Variants in TLCD5 observed in about 807,000 individuals in gnomAD.
The protein encoded by TLCD5 is TLC domain containing 5.
In TLCD5, 15 loss-of-function variants were observed where a neutral mutation model predicts 20.5. The ratio of observed to expected loss-of-function variants is 0.73; its 90% CI spans 0.49 to 1.13. The LOEUF is 1.13. TLCD5 is among the 50% of genes most tolerant of loss of function. TLCD5 has a pLI of 0.00. For synonymous variants in TLCD5, 107 were observed against 114.7 expected (o/e 0.93, Z 0.43); for missense variants, 289 against 305.6 (o/e 0.95, Z 0.41).
rs1377764605 is a variant in TLCD5, at chr11:120,330,558, G to A, written c.*43G>A. Reference sequence around the variant, plus strand: ...TTATGGATTGGGTTAAGTCAGCCATGGGAACCAGGTTGGAAATATGACTGT... The same window carrying A: ...TTATGGATTGGGTTAAGTCAGCCATAGGAACCAGGTTGGAAATATGACTGT... On this transcript the variant is annotated 3_prime_UTR_variant, in exon 3 of 3. Coordinates refer to ENST00000375095, the MANE Select transcript of TLCD5 (RefSeq NM_001198671.2). 2 of 1,560,800 alleles carry A rather than the reference G, an allele frequency of 1.3e-6. No individual in the cohort carries two copies. The highest frequency in any genetic ancestry group is 1.7e-6 in the Non-Finnish European group (2 of 1,153,544).
chr11:120,328,678 A>ATT (rs1942059262), intron 2 of TLCD5, among the ~76,000 whole-genome samples: 1 of 24,156 alleles, frequency 4.1e-5, no homozygotes. Flanking sequence ...TAACAGTCAT[A>ATT]GTGTGTGTGT....
At chr11:120,328,342 A>G (rs1182683636) in intron 2 of TLCD5, among the ~76,000 whole-genome samples, 1 of 152,022 alleles carries the variant, frequency 6.6e-6, no homozygotes, top group Non-Finnish European at 1.5e-5. Context: ...TGGCCTCCCA[A>G]AGTGCTGGGA....
chr11:120,330,949 CATTT>C lies in TLCD5; in HGVS notation c.*436_*439del, dbSNP rs1265198049. ...TATAGCAATTTATCTAAGTTTACCC[CATTT>C]ACTATAAAGTGAGGGGCTTACAGGA... On this transcript the variant is annotated 3_prime_UTR_variant, in exon 3 of 3. Coordinates refer to ENST00000375095, the MANE Select transcript of TLCD5 (RefSeq NM_001198671.2). 1 of 154,916 alleles carries C rather than the reference CATTT, an allele frequency of 6.5e-6. No homozygotes were observed. Among genetic ancestry groups the C allele is most frequent in the African/African-American group, 2.4e-5 (1 of 41,488 alleles). The allele number at this position is 154,916 out of a possible 1,614,324, so 9.6% of individuals were successfully genotyped here.
intron 1 of TLCD5, among the ~76,000 whole-genome samples, chr11:120,326,831 A>T (rs1263209236): frequency 6.6e-6 from 1 of 152,236 alleles, no homozygotes; most frequent in Non-Finnish European, 1.5e-5. Flanking sequence ...GAACTGAATA[A>T]AGCCAGGATT....
intron 2 of TLCD5, among the ~76,000 whole-genome samples, chr11:120,329,692 C>T (rs367757180): frequency 1.4e-4 from 21 of 152,154 alleles, no homozygotes; most frequent in Non-Finnish European, 2.4e-4. Context: ...TGCTGTTCCG[C>T]GGAGAGGATA....
At chr11:120,329,749 T>C (rs1942106319) in intron 2 of TLCD5, among the ~76,000 whole-genome samples, 1 of 152,232 alleles carries the variant, frequency 6.6e-6, no homozygotes, top group Admixed American at 6.5e-5. Context: ...CTCATTGAAG[T>C]CTGATTCATC....
chr11:120,327,268 A>T, intron 1 of TLCD5, 173 bp from the exon 2 acceptor site: 4 of 1,169,570 alleles, frequency 3.4e-6, no homozygotes, highest in Non-Finnish European at 3.6e-6. Flanking sequence ...TGGAATGATA[A>T]ATACAGCCAT....
At chr11:120,329,534 T>C (rs1342015461) in intron 2 of TLCD5, among the ~76,000 whole-genome samples, 1 of 151,874 alleles carries the variant, frequency 6.6e-6, no homozygotes, top group Non-Finnish European at 1.5e-5. Context: ...GACCACTGAG[T>C]GTTCAATAAC....
intron 1 of TLCD5, 145 bp from the exon 2 acceptor site, chr11:120,327,296 T>C: frequency 7.3e-7 from 1 of 1,377,554 alleles, no homozygotes; most frequent in Non-Finnish European, 1.0e-6. Flanking sequence ...TAGAAGATTC[T>C]TGGCCGTGTA....
At position 120,329,923 on chromosome 11, in the gene TLCD5, C is replaced by G. The variant is rs138011890; in HGVS notation, c.200-54C>G. 1.7e-3 allele frequency: 2,614 copies of G among 1,549,624 alleles called. 10 individuals are homozygous for G. The highest frequency in any genetic ancestry group is 0.013 in the Middle Eastern group (74 of 5,774). ...AAGACAACAACATAGGATCCCTGTG[C>G]AAGGTAACACAATTCCCAGTCACTC... On this transcript the variant is annotated intron_variant, in intron 2 of 2. Transcript: ENST00000375095.
rs563103213 is a variant in TLCD5, at chr11:120,330,107, C to G, written c.330C>G (p.Ile110Met). Residue 110 changes from isoleucine (I) to methionine (M), a missense_variant, in exon 3 of 3, where the codon ATC (isoleucine) becomes ATG (methionine). Physicochemically the swap from Ile to Met is conservative, Grantham distance 10 (BLOSUM62 1). Coordinates refer to ENST00000375095, the MANE Select transcript of TLCD5 (RefSeq NM_001198671.2). ...ALMLAHHTLS[I>M]LGIIMALVLG... is the part of the protein sequence containing the mutation. The stretch of plus-strand genomic sequence containing the variant: ...TGCTGGCTCATCACACATTGAGTAT[C>G]TTGGGCATTATCATGGCCCTTGTGC... 1 of 1,614,122 alleles carries G rather than the reference C, an allele frequency of 6.2e-7. No individual in the cohort carries two copies. Among genetic ancestry groups the G allele is most frequent in the African/African-American group, 1.3e-5 (1 of 75,054 alleles).
At position 120,330,735 on chromosome 11, in the gene TLCD5, T is replaced by C; in HGVS notation, c.*220T>C. On this transcript the variant is annotated 3_prime_UTR_variant, in exon 3 of 3. Coordinates refer to ENST00000375095, the MANE Select transcript of TLCD5 (RefSeq NM_001198671.2). ...AGAAAGTGAGAATACTCCATGGTAG[T>C]TGGGAATAAGTGAGAACTGTGAAGT... is the stretch of plus-strand genomic sequence containing the variant. 2.0e-6 allele frequency: 1 copy of C among 511,300 alleles called. No homozygotes were observed. Among genetic ancestry groups the C allele is most frequent in the Non-Finnish European group, 3.4e-6 (1 of 294,686 alleles). 31.7% of individuals were successfully genotyped at this position (511,300 alleles called of 1,614,324 possible).
In TLCD5 at chr11:120,327,755, T is replaced by C. The variant is rs77266606; in HGVS notation, c.199+115T>C. On this transcript the variant is annotated intron_variant, in intron 2 of 2. Coordinates refer to ENST00000375095, the MANE Select transcript of TLCD5 (RefSeq NM_001198671.2). ...GACTAATTCCCATTATAATTTTGTA[T>C]TGGAATCCTTATTCTTCTTCATTGT... 0.013 allele frequency: 13,416 copies of C among 1,070,710 alleles called. 818 individuals carry two copies. The South Asian group carries it at 0.15, about 12-fold the overall frequency. 66.3% of individuals were successfully genotyped at this position (1,070,710 alleles called of 1,614,324 possible). A position where few individuals can be genotyped will look rare whatever the true frequency, so the allele number is the denominator to read the frequency against.
At position 120,332,088 on chromosome 11, in the gene TLCD5, C is replaced by T. The variant is rs1187211150; in HGVS notation, c.*1573C>T. 1.3e-5 allele frequency: 2 copies of T among 152,104 alleles called. No individual in the cohort carries two copies. The highest frequency in any genetic ancestry group is 4.8e-5 in the African/African-American group (2 of 41,420). The allele number at this position is 152,104 out of a possible 1,614,324, so 9.4% of individuals were successfully genotyped here. A position where few individuals can be genotyped will look rare whatever the true frequency, so the allele number is the denominator to read the frequency against. ...AAAAAAATAATAATTCTTAGTGTGA[C>T]AGTCTCCAAGAGAAGCAAGAATATA... On this transcript the variant is annotated 3_prime_UTR_variant, in exon 3 of 3. Coordinates refer to ENST00000375095, the MANE Select transcript of TLCD5 (RefSeq NM_001198671.2). This position sits in a 1 kb window ranked among gnomAD's most constrained non-coding sequence, Gnocchi z 4.2.
chr11:120,330,173 A>G lies in TLCD5; in HGVS notation c.396A>G (p.Gly132=), dbSNP rs781285337. 9 of 1,592,350 alleles carry G rather than the reference A, an allele frequency of 5.7e-6. No individual in the cohort carries two copies. The highest frequency in any genetic ancestry group is 7.7e-6 in the Non-Finnish European group (9 of 1,168,188). The change falls in exon 3 of 3, where the codon GGA becomes GGG. Residue 132 remains glycine, a synonymous_variant. Transcript: ENST00000375095. ...CAGAGGTCAATGCAGTCCTCTTTGG[A>G]AGTGAGCTTACCAACCCCTTGCTAC... ...SGTEVNAVLF[G]SELTNPLLQM...
Position 120,330,047 on chromosome 11 carries a change from C to T in TLCD5, c.270C>T (p.Gly90=). 1 of 1,614,188 alleles carries T rather than the reference C, an allele frequency of 6.2e-7. No homozygotes were observed. Among genetic ancestry groups the T allele is most frequent in the Non-Finnish European group, 8.5e-7 (1 of 1,180,038 alleles). The change falls in exon 3 of 3, where the codon GGC becomes GGT. Residue 90 remains glycine, a synonymous_variant. Transcript: ENST00000375095. Reference sequence around the variant, plus strand: ...TGGGCTACTTCATCTTCGACTTGGGCTGGTGCGTCTACTTTCAGTCTGAGG... The same window carrying T: ...TGGGCTACTTCATCTTCGACTTGGGTTGGTGCGTCTACTTTCAGTCTGAGG... ...LTLGYFIFDL[G]WCVYFQSEGA... is the part of the protein sequence containing the mutation.
intron 2 of TLCD5, 79 bp downstream of exon 2, chr11:120,327,719 A>G: frequency 7.2e-7 from 1 of 1,386,818 alleles, no homozygotes; most frequent in Non-Finnish European, 9.7e-7. Context: ...CAGAATTTGT[A>G]CAATACTGAA....
rs2135174026 is a variant in TLCD5 at position 120,331,920 on chromosome 11, G to T, written c.*1405G>T. The T allele has an allele frequency of 6.6e-6, 1 of 152,174 alleles. No individual in the cohort carries two copies. The highest frequency in any genetic ancestry group is 2.1e-4 in the South Asian group (1 of 4,818). The allele number at this position is 152,174 out of a possible 1,614,324, so 9.4% of individuals were successfully genotyped here. ...ACTAGAGCCAAAGACTTTAAAGTGT[G>T]TACTGGCCTCAGGGGGATGAGGTTA... is the stretch of plus-strand genomic sequence containing the variant. On this transcript the variant is annotated 3_prime_UTR_variant, in exon 3 of 3. Transcript: ENST00000375095. The surrounding 1 kb of genome is among the most constrained non-coding windows in gnomAD (Gnocchi z 4.5).
chr11:120,329,555 A>G (rs1337305316), intron 2 of TLCD5, among the ~76,000 whole-genome samples: 1 of 152,208 alleles, frequency 6.6e-6, no homozygotes, highest in Non-Finnish European at 1.5e-5. Context: ...GTAACCCATT[A>G]AGCTGAGAAA....
Sources: allele counts gnomAD v4.1 joint callset (sites outside exome capture counted in the v4.1 genomes callset), GRCh38; gene constraint gnomAD v4.1.1; non-coding constraint Gnocchi (gnomAD v3.1); transcripts MANE v1.5; gene names NCBI Gene and HGNC (gene_info 2026-07-23, HGNC 2026-07-21).